Variants in DMC1 observed in about 807,000 individuals in gnomAD.
DMC1 encodes the protein DNA meiotic recombinase 1.
A neutral mutation model predicts 50.1 loss-of-function variants in DMC1; 27 were observed. The observed-to-expected ratio is 0.54, with a 90% CI of 0.40 to 0.74. The LOEUF is 0.74. Among genes scored for constraint, DMC1 ranks in the 30% least tolerant of loss-of-function variants. DMC1 has a pLI of 0.00. For synonymous variants in DMC1, 148 were observed against 136.1 expected (o/e 1.09, Z -0.61); for missense variants, 295 against 420.2 (o/e 0.70, Z 2.60).
At chr22:38,540,618 T>C (rs1423519408) in intron 8 of DMC1, among the ~76,000 whole-genome samples, 2 of 152,216 alleles carry the variant, frequency 1.3e-5, no homozygotes, top group Non-Finnish European at 2.9e-5. Context: ...GGACCATTTA[T>C]AATCTTATTT....
intron 5 of DMC1, among the ~76,000 whole-genome samples, chr22:38,559,668 A>G (rs1443179190): frequency 6.6e-6 from 1 of 152,088 alleles, no homozygotes; most frequent in Non-Finnish European, 1.5e-5. Context: ...ACTAGAGAAC[A>G]AAAGAGACAG....
intron 8 of DMC1, among the ~76,000 whole-genome samples, chr22:38,540,062 T>C (rs1039616657): frequency 9.2e-5 from 14 of 152,034 alleles, no homozygotes; most frequent in Admixed American, 1.3e-4. Context: ...TTGGCATAGG[T>C]TTTCTTTTTC....
chr22:38,530,290 TGGGGGAAAGGGGAGTACC>T (rs2090139445), intron 12 of DMC1, among the ~76,000 whole-genome samples: 2 of 150,646 alleles, frequency 1.3e-5, no homozygotes, highest in South Asian at 4.2e-4. Context: ...TTTGGGAAGA[TGGGGGAAAGGGGAGTACC>T]GCCAAAGAAG....
chr22:38,522,026 A>G (rs1483650069), intron 12 of DMC1, among the ~76,000 whole-genome samples: 1 of 151,470 alleles, frequency 6.6e-6, no homozygotes, highest in Non-Finnish European at 1.5e-5. Context: ...GATCTCACTC[A>G]CTGCAACCTC....
chr22:38,560,362 G>C lies in DMC1; in HGVS notation c.326+1925C>G, dbSNP rs76421567. 9.3e-3 allele frequency among the ~76,000 whole-genome samples: 1,411 copies of C among 152,238 alleles called. 22 individuals carry two copies. The highest frequency in any genetic ancestry group is 0.032 in the African/African-American group (1,348 of 41,552). On this transcript the variant is annotated intron_variant, in intron 5 of 13. Coordinates refer to ENST00000216024, the MANE Select transcript of DMC1 (RefSeq NM_007068.4). ...AAGAGGTCACTATGGCTGGTACATA[G>C]AAAACTAGAAAAGTGAAATATTAGA...
chr22:38,536,598 TC>T (rs1196242080), intron 12 of DMC1, among the ~76,000 whole-genome samples: 1 of 152,150 alleles, frequency 6.6e-6, no homozygotes, highest in African/African-American at 2.4e-5. Context: ...CTCATGTATA[TC>T]CTGTAGAAAG....
rs542076846 is a variant in DMC1, at chr22:38,536,238, C to T, written c.836+1354G>A. On this transcript the variant is annotated intron_variant, in intron 12 of 13. Coordinates refer to ENST00000216024, the MANE Select transcript of DMC1 (RefSeq NM_007068.4). Reference sequence around the variant, plus strand: ...CTCTTAAAAAAAAAAAACACACACACACTTTAAAAAAGCATTATCATGAAT... The same window carrying T: ...CTCTTAAAAAAAAAAAACACACACATACTTTAAAAAAGCATTATCATGAAT... Among the ~76,000 whole-genome samples the T allele has an allele frequency of 3.3e-5, 5 of 151,388 alleles. No homozygotes were observed. In the East Asian group the frequency reaches 7.8e-4, roughly 24 times the overall value.
At chr22:38,543,492 G>T (rs925560920) in intron 8 of DMC1, among the ~76,000 whole-genome samples, 1 of 152,132 alleles carries the variant, frequency 6.6e-6, no homozygotes, top group African/African-American at 2.4e-5. Flanking sequence ...GCCTCCCAAA[G>T]TGCTGGGATT....
chr22:38,558,899 T>C (rs2090496157), intron 5 of DMC1, among the ~76,000 whole-genome samples: 1 of 152,210 alleles, frequency 6.6e-6, no homozygotes, highest in Non-Finnish European at 1.5e-5. Context: ...TCAAGTGTTT[T>C]GTTGATCAAC....
chr22:38,530,110 G>A (rs2090137826), intron 12 of DMC1, among the ~76,000 whole-genome samples: 1 of 151,944 alleles, frequency 6.6e-6, no homozygotes, highest in East Asian at 1.9e-4. Flanking sequence ...GGGATTACAG[G>A]AACCCCCCAC....
At chr22:38,567,114 A>AT (rs527641960) in intron 3 of DMC1, among the ~76,000 whole-genome samples, 6 of 150,920 alleles carry the variant, frequency 4.0e-5, no homozygotes, top group Admixed American at 1.3e-4. Flanking sequence ...ATTTGTAAAG[A>AT]TTTTTTTTTT....
intron 12 of DMC1, among the ~76,000 whole-genome samples, chr22:38,524,139 G>A (rs2090060906): frequency 6.6e-6 from 1 of 152,152 alleles, no homozygotes; most frequent in East Asian, 1.9e-4. Context: ...GGCTTGGCCG[G>A]GCACAGTGGC....
At chr22:38,530,967 G>C (rs1400945018) in intron 12 of DMC1, among the ~76,000 whole-genome samples, 1 of 152,162 alleles carries the variant, frequency 6.6e-6, no homozygotes, top group African/African-American at 2.4e-5. Context: ...TTACTCAGGA[G>C]GCTGAGGCAG....
chr22:38,567,670 T>C, intron 2 of DMC1, 43 bp from the exon 3 acceptor site: 1 of 1,417,454 alleles, frequency 7.1e-7, no homozygotes, highest in Non-Finnish European at 1.0e-6. Context: ...TGATTCTTCA[T>C]ATCCAGCTAT....
At chr22:38,535,848 T>A (rs2145850332) in intron 12 of DMC1, among the ~76,000 whole-genome samples, 1 of 150,328 alleles carries the variant, frequency 6.7e-6, no homozygotes, top group East Asian at 2.1e-4. Flanking sequence ...CCTCAGGTGA[T>A]CCTCCCACCT....
intron 3 of DMC1, 86 bp downstream of exon 3, chr22:38,567,497 G>T (rs1172785624): frequency 1.0e-5 from 12 of 1,179,418 alleles, no homozygotes; most frequent in African/African-American, 1.5e-5. Context: ...TTGCAACAAA[G>T]AATTATCCAG....
chr22:38,522,635 A>C (rs1379027528), intron 12 of DMC1, among the ~76,000 whole-genome samples: 1 of 152,204 alleles, frequency 6.6e-6, no homozygotes, highest in Non-Finnish European at 1.5e-5. Flanking sequence ...GGAACAGCAC[A>C]AACTAAAGGT....
intron 12 of DMC1, among the ~76,000 whole-genome samples, chr22:38,524,456 A>G (rs540291674): frequency 5.9e-5 from 9 of 152,132 alleles, no homozygotes; most frequent in Admixed American, 2.0e-4. Context: ...AATAAAACTA[A>G]TAAATAAAAA....
intron 8 of DMC1, among the ~76,000 whole-genome samples, chr22:38,542,713 T>C (rs1286739173): frequency 3.3e-5 from 5 of 152,054 alleles, no homozygotes; most frequent in Admixed American, 6.6e-5. Flanking sequence ...CCCTAAAATT[T>C]ATATGGAACC....
Sources: gnomAD v4.1 joint callset for allele counts (sites outside exome capture counted in the v4.1 genomes callset) on GRCh38, gnomAD v4.1.1 for gene constraint, MANE v1.5 for transcripts, NCBI Gene and HGNC (gene_info 2026-07-23, HGNC 2026-07-21) for gene names.